Variants in RGS9BP observed in about 807,000 individuals in gnomAD.
The protein encoded by RGS9BP is regulator of G protein signaling 9 binding protein, also known as regulator of G protein signaling 9-binding protein.
In RGS9BP, 1 loss-of-function variant was observed where a neutral mutation model predicts 3.8. The ratio of observed to expected loss-of-function variants is 0.26; its 90% confidence interval spans 0.09 to 1.24. The LOEUF (loss-of-function observed/expected upper bound fraction) is 1.24, where lower values mean the gene tolerates loss of function less well. RGS9BP is among the 50% of genes most tolerant of loss of function. The pLI, the probability that RGS9BP is intolerant of heterozygous loss-of-function variation, is 0.48. For missense variants in RGS9BP, 363 were observed against 344.3 expected, an observed-to-expected ratio of 1.05 and a Z score of -0.43; for synonymous variants, 200 against 177.8, an observed-to-expected ratio of 1.13 and a Z score of -1.00.
chr19:32,677,185 C>T lies in RGS9BP; in HGVS notation c.*214C>T, dbSNP rs1190713883. ...CTTTGCGCCGGCCGTCAGGGCATTA[C>T]CGCTAACGTCTGCAGGAGCTTTATT... is the stretch of plus-strand genomic sequence containing the variant. On this transcript the variant is annotated 3_prime_UTR_variant, in exon 1 of 1. Coordinates refer to ENST00000334176, the MANE Select transcript of RGS9BP (RefSeq NM_207391.3). 6 of 613,094 alleles carry T rather than the reference C, an allele frequency of 9.8e-6. No individual in the cohort carries two copies. In the Admixed American group the frequency reaches 1.7e-4, roughly 17 times the overall value. 38.0% of individuals were successfully genotyped at this position (613,094 alleles called of 1,614,324 possible). A position where few individuals can be genotyped will look rare whatever the true frequency, so the allele number is the denominator to read the frequency against.
In RGS9BP at chr19:32,677,286, G is replaced by A. The variant is rs867254873; in HGVS notation, c.*315G>A. 5.3e-5 allele frequency: 19 copies of A among 356,824 alleles called. No individual in the cohort carries two copies. The highest frequency in any genetic ancestry group is 2.1e-4 in the Admixed American group (5 of 23,724). The allele number at this position is 356,824 out of a possible 1,614,324, so 22.1% of individuals were successfully genotyped here. A position where few individuals can be genotyped will look rare whatever the true frequency, so the allele number is the denominator to read the frequency against. On this transcript the variant is annotated 3_prime_UTR_variant, in exon 1 of 1. Coordinates refer to ENST00000334176, the MANE Select transcript of RGS9BP (RefSeq NM_207391.3). ...GAGTTAACACATGTGCTGTTGGGGC[G>A]TCTTTACAGGGAGTCCGAGTTCGGT...
chr19:32,676,636 G>T lies in RGS9BP; in HGVS notation c.373G>T (p.Ala125Ser). Residue 125 changes from alanine to serine, a missense_variant, in exon 1 of 1, where the codon GCG (alanine) becomes TCG (serine). Transcript: ENST00000334176. ...TGVAGASSGV[A>S]ARALSTRSLR... ...TGTGGCTGGCGCCTCCTCCGGCGTGGCGGCGCGCGCGCTGAGCACCCGCAG... is the reference window on the plus strand; with the variant it reads ...TGTGGCTGGCGCCTCCTCCGGCGTGTCGGCGCGCGCGCTGAGCACCCGCAG... 6.5e-7 allele frequency: 1 copy of T among 1,531,486 alleles called. No homozygotes were observed. Among genetic ancestry groups the T allele is most frequent in the Non-Finnish European group, 8.7e-7 (1 of 1,144,590 alleles). 94.9% of individuals were successfully genotyped at this position (1,531,486 alleles called of 1,614,324 possible).
chr19:32,676,186 G>A lies in RGS9BP; in HGVS notation c.-78G>A. ...GTGCCGCGCGGCCCAAGGCCGGGAT[G>A]GGGGTTAGCCACATCCTGCCGCGCT... On this transcript the variant is annotated 5_prime_UTR_variant, in exon 1 of 1. An upstream start codon of the reference 5' UTR is lost. Transcript: ENST00000334176. 1.0e-6 allele frequency: 1 copy of A among 997,048 alleles called. No homozygotes were observed. Among genetic ancestry groups the A allele is most frequent in the Non-Finnish European group, 1.5e-6 (1 of 684,108 alleles). 61.8% of individuals were successfully genotyped at this position (997,048 alleles called of 1,614,324 possible). A position where few individuals can be genotyped will look rare whatever the true frequency, so the allele number is the denominator to read the frequency against.
rs1244713585 is a variant in RGS9BP at position 32,676,503 on chromosome 19, G to A, written c.240G>A (p.Val80=). 6.5e-7 allele frequency: 1 copy of A among 1,534,666 alleles called. No homozygotes were observed. The highest frequency in any genetic ancestry group is 8.7e-7 in the Non-Finnish European group (1 of 1,147,302). Residue 80 remains valine, a synonymous_variant, in exon 1 of 1, where the codon GTG becomes GTA. Transcript: ENST00000334176. ...GCGCCGAGTTCGAGCGGCTCTGGGTGGCCTTCTCGGGCTGCCTGGACCTGC... is the reference window on the plus strand; with the variant it reads ...GCGCCGAGTTCGAGCGGCTCTGGGTAGCCTTCTCGGGCTGCCTGGACCTGC... ...DERAEFERLW[V]AFSGCLDLLE...
In RGS9BP at chr19:32,677,776, G is replaced by C. The variant is rs1968034936; in HGVS notation, c.*805G>C. The C allele has an allele frequency of 6.0e-6, 1 of 167,206 alleles. No individual in the cohort carries two copies. The highest frequency in any genetic ancestry group is 2.4e-5 in the African/African-American group (1 of 41,460). The allele number at this position is 167,206 out of a possible 1,614,324, so 10.4% of individuals were successfully genotyped here. ...AGAGGAAGAGCAGAGGCTTGGGGTA[G>C]GGCCACCTGGTGTTTAAACAGGCAC... On this transcript the variant is annotated 3_prime_UTR_variant, in exon 1 of 1. Coordinates refer to ENST00000334176, the MANE Select transcript of RGS9BP (RefSeq NM_207391.3).
Position 32,676,119 on chromosome 19 carries a change from T to G in RGS9BP, c.-145T>G. The G allele has an allele frequency of 1.7e-6, 1 of 586,306 alleles. No individual in the cohort carries two copies. The highest frequency in any genetic ancestry group is 2.9e-6 in the Non-Finnish European group (1 of 347,188). The allele number at this position is 586,306 out of a possible 1,614,324, so 36.3% of individuals were successfully genotyped here. On this transcript the variant is annotated 5_prime_UTR_variant, in exon 1 of 1. Transcript: ENST00000334176. ...GGTCCCGGGCGGGCTCCGTGGACGTTGGCGGTAGCGCCGAGCGAGTCACGG... is the reference window on the plus strand; with the variant it reads ...GGTCCCGGGCGGGCTCCGTGGACGTGGGCGGTAGCGCCGAGCGAGTCACGG...
chr19:32,676,114 G>A lies in RGS9BP; in HGVS notation c.-150G>A. ...TCGAGGGTCCCGGGCGGGCTCCGTG[G>A]ACGTTGGCGGTAGCGCCGAGCGAGT... On this transcript the variant is annotated 5_prime_UTR_variant, in exon 1 of 1. Coordinates refer to ENST00000334176, the MANE Select transcript of RGS9BP (RefSeq NM_207391.3). 1.7e-6 allele frequency: 1 copy of A among 578,530 alleles called. No individual in the cohort carries two copies. The highest frequency in any genetic ancestry group is 2.9e-6 in the Non-Finnish European group (1 of 339,642). 35.8% of individuals were successfully genotyped at this position (578,530 alleles called of 1,614,324 possible).
rs1968000332 is a variant in RGS9BP at position 32,676,416 on chromosome 19, G to A, written c.153G>A (p.Ala51=). 3 of 1,603,178 alleles carry A rather than the reference G, an allele frequency of 1.9e-6. No individual in the cohort carries two copies. The highest frequency in any genetic ancestry group is 1.7e-5 in the Admixed American group (1 of 59,404). ...CGCGCCAGAAGGCGCAGGAGCTGGC[G>A]GTGTCCACCTGCGCCCGGCTGACTG... ...QKTRQKAQEL[A]VSTCARLTAV... Residue 51 remains alanine, a synonymous_variant, in exon 1 of 1, where the codon GCG becomes GCA. Transcript: ENST00000334176.
rs1334517352 is a variant in RGS9BP at position 32,676,407 on chromosome 19, G to A, written c.144G>A (p.Gln48=). The change falls in exon 1 of 1, where the codon CAG becomes CAA. Residue 48 remains glutamine (Q), a synonymous_variant. Transcript: ENST00000334176. ...TGCAAAAGACGCGCCAGAAGGCGCA[G>A]GAGCTGGCGGTGTCCACCTGCGCCC... ...QELQKTRQKA[Q]ELAVSTCARL... The A allele has an allele frequency of 1.2e-6, 2 of 1,605,838 alleles. No individual in the cohort carries two copies. Among genetic ancestry groups the A allele is most frequent in the Non-Finnish European group, 1.7e-6 (2 of 1,178,450 alleles).
In RGS9BP at chr19:32,676,207, G is replaced by A. The variant is rs116046448; in HGVS notation, c.-57G>A. 6,792 of 1,282,424 alleles carry A rather than the reference G, an allele frequency of 5.3e-3. 278 individuals are homozygous for A. In the African/African-American group the frequency reaches 0.087, roughly 16 times the overall value. 79.4% of individuals were successfully genotyped at this position (1,282,424 alleles called of 1,614,324 possible). On this transcript the variant is annotated 5_prime_UTR_variant, in exon 1 of 1. Transcript: ENST00000334176. Reference sequence around the variant, plus strand: ...GGATGGGGGTTAGCCACATCCTGCCGCGCTGAGGGGGAGGCTAACGGGCGC... The same window carrying A: ...GGATGGGGGTTAGCCACATCCTGCCACGCTGAGGGGGAGGCTAACGGGCGC...
Position 32,676,412 on chromosome 19 carries a change from T to C in RGS9BP, c.149T>C (p.Leu50Pro). The change falls in exon 1 of 1, where the codon CTG becomes CCG. Residue 50 changes from leucine (L) to proline (P), a missense_variant. By Grantham distance (98) the Leu-to-Pro change is moderately conservative (BLOSUM62 -3). Coordinates refer to ENST00000334176, the MANE Select transcript of RGS9BP (RefSeq NM_207391.3). ...AAGACGCGCCAGAAGGCGCAGGAGC[T>C]GGCGGTGTCCACCTGCGCCCGGCTG... ...LQKTRQKAQELAVSTCARLTA... is the reference protein window; with the variant it reads ...LQKTRQKAQEPAVSTCARLTA... 1 of 1,604,840 alleles carries C rather than the reference T, an allele frequency of 6.2e-7. No homozygotes were observed. Among genetic ancestry groups the C allele is most frequent in the Non-Finnish European group, 8.5e-7 (1 of 1,178,252 alleles).
chr19:32,676,339 ACCG>A lies in RGS9BP; in HGVS notation c.77_79del (p.Thr26_Val27delinsIle). On this transcript the variant is annotated inframe_deletion, in exon 1 of 1. Coordinates refer to ENST00000334176, the MANE Select transcript of RGS9BP (RefSeq NM_207391.3). ...TGCGTGCTACCACCACCTGGTGCTGACCGTCGGTGGCTCGGCGGACTCGCAGAA... is the reference window on the plus strand; with the variant it reads ...TGCGTGCTACCACCACCTGGTGCTGATCGGTGGCTCGGCGGACTCGCAGAA... 1 of 1,611,226 alleles carries A rather than the reference ACCG, an allele frequency of 6.2e-7. No individual in the cohort carries two copies. Among genetic ancestry groups the A allele is most frequent in the South Asian group, 1.1e-5 (1 of 90,864 alleles).
rs377170802 is a variant in RGS9BP at position 32,677,180 on chromosome 19, C to T, written c.*209C>T. The T allele has an allele frequency of 7.3e-4, 452 of 618,692 alleles. 3 individuals carry two copies. In the East Asian group the frequency reaches 0.011, roughly 15 times the overall value. 38.3% of individuals were successfully genotyped at this position (618,692 alleles called of 1,614,324 possible). A position where few individuals can be genotyped will look rare whatever the true frequency, so the allele number is the denominator to read the frequency against. On this transcript the variant is annotated 3_prime_UTR_variant, in exon 1 of 1. Transcript: ENST00000334176. ...GTTAACTTTGCGCCGGCCGTCAGGGCATTACCGCTAACGTCTGCAGGAGCT... is the reference window on the plus strand; with the variant it reads ...GTTAACTTTGCGCCGGCCGTCAGGGTATTACCGCTAACGTCTGCAGGAGCT...
rs1968002713 is a variant in RGS9BP at position 32,676,518 on chromosome 19, C to T, written c.255C>T (p.Cys85=). The change falls in exon 1 of 1, where the codon TGC becomes TGT. Residue 85 remains cysteine (C), a synonymous_variant. Transcript: ENST00000334176. ...FERLWVAFSG[C]LDLLEADMRR... ...GGCTCTGGGTGGCCTTCTCGGGCTG[C>T]CTGGACCTGCTGGAAGCGGACATGC... The T allele has an allele frequency of 6.6e-7, 1 of 1,522,444 alleles. No homozygotes were observed. The highest frequency in any genetic ancestry group is 8.8e-7 in the Non-Finnish European group (1 of 1,142,258). The allele number at this position is 1,522,444 out of a possible 1,614,324, so 94.3% of individuals were successfully genotyped here.
At position 32,676,799 on chromosome 19, in the gene RGS9BP, A is replaced by G. The variant is rs769073684; in HGVS notation, c.536A>G (p.Gln179Arg). Reference protein sequence around the residue: ...NVPRWTVQARQAAGAELLSTV... With the variant: ...NVPRWTVQARRAAGAELLSTV... ...CCCCGCTGGACCGTGCAAGCCCGGCAGGCGGCGGGCGCCGAGCTCCTGTCC... is the reference window on the plus strand; with the variant it reads ...CCCCGCTGGACCGTGCAAGCCCGGCGGGCGGCGGGCGCCGAGCTCCTGTCC... The change falls in exon 1 of 1, where the codon CAG (glutamine) becomes CGG (arginine). Residue 179 changes from glutamine to arginine, a missense_variant. Physicochemically the swap from Gln to Arg is conservative, Grantham distance 43 (BLOSUM62 1). Transcript: ENST00000334176. 6.3e-7 allele frequency: 1 copy of G among 1,586,338 alleles called. No individual in the cohort carries two copies. The highest frequency in any genetic ancestry group is 1.1e-5 in the South Asian group (1 of 89,324).
rs983530959 is a variant in RGS9BP, at chr19:32,677,417, G to C, written c.*446G>C. The C allele has an allele frequency of 5.4e-6, 1 of 185,568 alleles. No individual in the cohort carries two copies. Among genetic ancestry groups the C allele is most frequent in the Non-Finnish European group, 1.3e-5 (1 of 79,796 alleles). 11.5% of individuals were successfully genotyped at this position (185,568 alleles called of 1,614,324 possible). ...GACGCTGTTTGGTTCTATGTGGTTG[G>C]TCTGTTTCCCGGACAAGAAAAATTG... On this transcript the variant is annotated 3_prime_UTR_variant, in exon 1 of 1. Coordinates refer to ENST00000334176, the MANE Select transcript of RGS9BP (RefSeq NM_207391.3).
In RGS9BP at chr19:32,676,605, C is replaced by T. The variant is rs2145339078; in HGVS notation, c.342C>T (p.Arg114=). ...PLHAPRRPLV[R]TGVAGASSGV... is the part of the protein sequence containing the mutation. ...ACGCGCCGCGGCGGCCGCTGGTGCG[C>T]ACAGGTGTGGCTGGCGCCTCCTCCG... Residue 114 remains arginine, a synonymous_variant, in exon 1 of 1, where the codon CGC becomes CGT. Transcript: ENST00000334176. 1 of 1,515,554 alleles carries T rather than the reference C, an allele frequency of 6.6e-7. No individual in the cohort carries two copies. The highest frequency in any genetic ancestry group is 2.6e-5 in the East Asian group (1 of 39,040). The allele number at this position is 1,515,554 out of a possible 1,614,324, so 93.9% of individuals were successfully genotyped here.
rs76618959 is a variant in RGS9BP, at chr19:32,677,477, T to G, written c.*506T>G. Reference sequence around the variant, plus strand: ...GTCAGCAGCTTTTATTACCTTAATCTTTCAGGGCCTAAATTTAGGAGAGTG... The same window carrying G: ...GTCAGCAGCTTTTATTACCTTAATCGTTCAGGGCCTAAATTTAGGAGAGTG... On this transcript the variant is annotated 3_prime_UTR_variant, in exon 1 of 1. Coordinates refer to ENST00000334176, the MANE Select transcript of RGS9BP (RefSeq NM_207391.3). 0.013 allele frequency: 2,234 copies of G among 173,474 alleles called. 43 individuals are homozygous for G. The highest frequency in any genetic ancestry group is 0.052 in the East Asian group (290 of 5,534). 10.7% of individuals were successfully genotyped at this position (173,474 alleles called of 1,614,324 possible). A position where few individuals can be genotyped will look rare whatever the true frequency, so the allele number is the denominator to read the frequency against.
In RGS9BP at chr19:32,677,966, C is replaced by G. The variant is rs1568427036; in HGVS notation, c.*995C>G. 1 of 167,192 alleles carries G rather than the reference C, an allele frequency of 6.0e-6. No individual in the cohort carries two copies. 10.4% of individuals were successfully genotyped at this position (167,192 alleles called of 1,614,324 possible). Reference sequence around the variant, plus strand: ...CTGGCTTTGGCAGCTCCCTGACCCCCGCGCTGCCCGCCCCTCCGGGGTAAT... The same window carrying G: ...CTGGCTTTGGCAGCTCCCTGACCCCGGCGCTGCCCGCCCCTCCGGGGTAAT... On this transcript the variant is annotated 3_prime_UTR_variant, in exon 1 of 1. Coordinates refer to ENST00000334176, the MANE Select transcript of RGS9BP (RefSeq NM_207391.3).
Sources: allele counts gnomAD v4.1 joint callset, GRCh38; gene constraint gnomAD v4.1.1; transcripts MANE v1.5; gene names NCBI Gene and HGNC (gene_info 2026-07-23, HGNC 2026-07-21).